GMDS: variants seen among roughly 807,000 people sequenced by gnomAD.
GMDS encodes GDP-mannose 4,6 dehydratase.
In GMDS, 20 loss-of-function variants were observed where a neutral mutation model predicts 49.9. That is an observed-to-expected ratio of 0.40 (90% CI 0.28 to 0.58). GMDS has a LOEUF of 0.58. Among genes scored for constraint, GMDS ranks in the 20% least tolerant of loss-of-function variants. GMDS has a pLI of 0.42. For missense variants in GMDS, 362 were observed against 481.4 expected (o/e 0.75, Z 2.32); for synonymous variants, 177 against 178.6 (o/e 0.99, Z 0.07).
chr6:1,638,602 T>A (rs1763236375), intron 9 of GMDS, among the ~76,000 whole-genome samples: 1 of 150,308 alleles, frequency 6.7e-6, no homozygotes, highest in African/African-American at 2.4e-5. Context: ...AAGGAAGTAT[T>A]GCCTTTGAGG....
intron 4 of GMDS, among the ~76,000 whole-genome samples, chr6:2,035,188 G>A (rs1019270903): frequency 1.3e-5 from 2 of 152,162 alleles, no homozygotes; most frequent in Admixed American, 6.5e-5. Flanking sequence ...CTCAAGCCAG[G>A]CTACACCATG....
intron 9 of GMDS, among the ~76,000 whole-genome samples, chr6:1,723,067 G>C (rs151069053): frequency 6.6e-6 from 1 of 152,114 alleles, no homozygotes; most frequent in African/African-American, 2.4e-5. Context: ...GTACAGAAGC[G>C]ATATTGAAGG....
intron 4 of GMDS, among the ~76,000 whole-genome samples, chr6:2,088,233 G>C (rs181968986): frequency 9.9e-5 from 15 of 152,242 alleles, no homozygotes; most frequent in African/African-American, 3.1e-4. Flanking sequence ...GAAAAAAAAT[G>C]CAATCAAGAG....
Position 1,647,985 on chromosome 6 carries a change from G to C in GMDS, c.988-23445C>G, listed in dbSNP as rs374961410. 3.9e-5 allele frequency among the ~76,000 whole-genome samples: 6 copies of C among 152,306 alleles called. No individual in the cohort carries two copies. In the East Asian group the frequency reaches 1.2e-3, roughly 29 times the overall value. On this transcript the variant is annotated intron_variant, in intron 9 of 10. Coordinates refer to ENST00000380815, the MANE Select transcript of GMDS (RefSeq NM_001500.4). ...GTTCCCACATCCCTGATGCTCGGGT[G>C]CTCTGTACCTGCAGGGGCTTCTCGA...
chr6:1,746,587 G>C (rs1434271967), intron 7 of GMDS, among the ~76,000 whole-genome samples: 1 of 152,132 alleles, frequency 6.6e-6, no homozygotes, highest in Non-Finnish European at 1.5e-5. Context: ...GTCAAGATGG[G>C]TATAAATATT....
intron 7 of GMDS, among the ~76,000 whole-genome samples, chr6:1,832,464 G>A (rs1382404673): frequency 6.6e-6 from 1 of 151,992 alleles, no homozygotes; most frequent in Non-Finnish European, 1.5e-5. Flanking sequence ...TCTGTGACTG[G>A]AGTGATGGCT....
At chr6:1,660,128 T>G (rs966985410) in intron 9 of GMDS, among the ~76,000 whole-genome samples, 1 of 152,098 alleles carries the variant, frequency 6.6e-6, no homozygotes, top group Middle Eastern at 3.2e-3. Context: ...TGCTGTGTTA[T>G]GTACACCCGC....
chr6:1,923,873 G>A (rs1334037140), intron 7 of GMDS, among the ~76,000 whole-genome samples: 3 of 152,216 alleles, frequency 2.0e-5, no homozygotes, highest in Admixed American at 1.3e-4. Context: ...AAAGGACTGG[G>A]CAGCAGTGGG....
intron 4 of GMDS, among the ~76,000 whole-genome samples, chr6:2,058,321 T>C (rs1770897579): frequency 7.1e-6 from 1 of 141,134 alleles, no homozygotes; most frequent in African/African-American, 2.7e-5. Context: ...CTCCAGCCTA[T>C]GTGACAGAGT....
chr6:2,123,249 T>C lies in GMDS; in HGVS notation c.147+1438A>G, dbSNP rs116076604. Among the ~76,000 whole-genome samples the C allele has an allele frequency of 4.0e-3, 608 of 152,340 alleles. 4 individuals carry two copies. Among genetic ancestry groups the C allele is most frequent in the African/African-American group, 0.014 (575 of 41,584 alleles). Reference sequence around the variant, plus strand: ...CGCATAGCCGTGCTCCCTCCTCCTCTGGACTAGACACAGATGCTGCCTGTT... The same window carrying C: ...CGCATAGCCGTGCTCCCTCCTCCTCCGGACTAGACACAGATGCTGCCTGTT... On this transcript the variant is annotated intron_variant, in intron 2 of 10. Coordinates refer to ENST00000380815, the MANE Select transcript of GMDS (RefSeq NM_001500.4).
At chr6:2,228,319 C>G (rs572623407) in intron 1 of GMDS, among the ~76,000 whole-genome samples, 1 of 152,324 alleles carries the variant, frequency 6.6e-6, no homozygotes, top group East Asian at 1.9e-4. Context: ...TGGGCCTTCA[C>G]GTCCTCCTTT....
At chr6:1,947,927 T>C (rs139867093) in intron 6 of GMDS, among the ~76,000 whole-genome samples, 121 of 152,318 alleles carry the variant, frequency 7.9e-4, no homozygotes, top group African/African-American at 2.9e-3. Context: ...CTTTATGCAT[T>C]TTCCCCTTTA....
chr6:1,930,148 A>T lies in GMDS; in HGVS notation c.726T>A (p.Asn242Lys), dbSNP rs996108561. Reference protein sequence around the residue: ...LGQLECFSLGNLDAKRDWGHA... With the variant: ...LGQLECFSLGKLDAKRDWGHA... ...GGCCCCAATCTCGTTTGGCATCCAG[A>T]TTTCCCAAACTGAAACATTCCAGTT... is the stretch of plus-strand genomic sequence containing the variant. Residue 242 changes from asparagine to lysine, a missense_variant, in exon 7 of 11, where the codon AAT becomes AAA. Asn to Lys is a moderately conservative substitution (Grantham distance 94). Coordinates refer to ENST00000380815, the MANE Select transcript of GMDS (RefSeq NM_001500.4). 5.0e-6 allele frequency: 8 copies of T among 1,613,006 alleles called. No individual in the cohort carries two copies. Among genetic ancestry groups the T allele is most frequent in the Non-Finnish European group, 5.9e-6 (7 of 1,179,328 alleles).
intron 9 of GMDS, among the ~76,000 whole-genome samples, chr6:1,693,671 C>T (rs1581467504): frequency 1.3e-5 from 2 of 152,300 alleles, no homozygotes; most frequent in Admixed American, 1.3e-4. Context: ...TGTCTTAATG[C>T]TAGTGTTTAG....
intron 4 of GMDS, among the ~76,000 whole-genome samples, chr6:2,000,259 T>C (rs985218557): frequency 6.7e-6 from 1 of 150,336 alleles, no homozygotes; most frequent in Non-Finnish European, 1.5e-5. Flanking sequence ...ATGGTCTCCA[T>C]CTCCTGACCT....
intron 6 of GMDS, among the ~76,000 whole-genome samples, chr6:1,934,276 C>T (rs1762422885): frequency 6.6e-6 from 1 of 152,232 alleles, no homozygotes; most frequent in Admixed American, 6.5e-5. Context: ...GTCCTGGTTA[C>T]TGTAGCTCTG....
At position 1,742,584 on chromosome 6, in the gene GMDS, A is replaced by C. The variant is rs760910373; in HGVS notation, c.774T>G (p.Ala258=). Residue 258 remains alanine (A), a splice_region_variant and synonymous_variant, in exon 8 of 11, where the codon GCT becomes GCG. Coordinates refer to ENST00000380815, the MANE Select transcript of GMDS (RefSeq NM_001500.4). ...DWGHAKDYVE[A]MWLMLQNDEP... is the part of the protein sequence containing the mutation. ...CATCATTCTGCAACATCAACCACAT[A>C]GCCTAGAGGGAAAGAGAGGCAAGTT... 1 of 1,560,404 alleles carries C rather than the reference A, an allele frequency of 6.4e-7. No individual in the cohort carries two copies. The highest frequency in any genetic ancestry group is 8.8e-7 in the Non-Finnish European group (1 of 1,132,672).
At chr6:2,137,705 T>C (rs763881354) in intron 1 of GMDS, among the ~76,000 whole-genome samples, 1 of 152,192 alleles carries the variant, frequency 6.6e-6, no homozygotes, top group African/African-American at 2.4e-5. Context: ...TCATCTTTGG[T>C]TGGAGTAAAT....
chr6:2,173,919 C>T (rs923121228), intron 1 of GMDS, among the ~76,000 whole-genome samples: 2 of 152,164 alleles, frequency 1.3e-5, no homozygotes, highest in Non-Finnish European at 2.9e-5. Flanking sequence ...AGGTTAGCAT[C>T]GCCAATTTAC....
Sources: gnomAD v4.1 joint callset for allele counts (sites outside exome capture counted in the v4.1 genomes callset) on GRCh38, gnomAD v4.1.1 for gene constraint, MANE v1.5 for transcripts, NCBI Gene and HGNC (gene_info 2026-07-23, HGNC 2026-07-21) for gene names.